MYO9A: variants seen among roughly 807,000 people sequenced by gnomAD.
The protein encoded by MYO9A is unconventional myosin-IXa.
In MYO9A, 103 loss-of-function variants were observed where a neutral mutation model predicts 293.3. The observed-to-expected ratio is 0.35, with a 90% CI of 0.30 to 0.41. MYO9A has a LOEUF of 0.41. MYO9A is among the 10% of genes least tolerant of loss of function. The probability of loss-of-function intolerance (pLI) is 1.00; values close to 1 mark genes in which losing one functional copy is unlikely to be tolerated. For synonymous variants in MYO9A, 1,001 were observed against 1,035.7 expected, an observed-to-expected ratio of 0.97 and a Z score of 0.64; for missense variants, 2,685 against 3,033.0, an observed-to-expected ratio of 0.89 and a Z score of 2.69.
At chr15:71,990,706 G>A (rs946807819) in intron 11 of MYO9A, among the ~76,000 whole-genome samples, 1 of 148,458 alleles carries the variant, frequency 6.7e-6, no homozygotes, top group Non-Finnish European at 1.5e-5. Context: ...GCAGTGAGCC[G>A]AGATTGGGCC....
intron 27 of MYO9A, among the ~76,000 whole-genome samples, chr15:71,885,834 A>T (rs1166649059): frequency 6.6e-6 from 1 of 152,040 alleles, no homozygotes; most frequent in Non-Finnish European, 1.5e-5. Flanking sequence ...GATCTCCTGA[A>T]TGGAGCCTCT....
intron 37 of MYO9A, among the ~76,000 whole-genome samples, chr15:71,850,450 T>C (rs1434751146): frequency 2.6e-5 from 4 of 152,088 alleles, no homozygotes; most frequent in African/African-American, 4.8e-5. Context: ...TAGGCCAAGA[T>C]CACTAGATGA....
intron 8 of MYO9A, among the ~76,000 whole-genome samples, chr15:72,001,552 T>G (rs917345029): frequency 3.3e-4 from 5 of 15,134 alleles, no homozygotes; most frequent in Non-Finnish European, 4.6e-4. Flanking sequence ...AGACTCCATC[T>G]CAAAAAAAAA....
chr15:71,920,494 G>A (rs1353454477), intron 18 of MYO9A, among the ~76,000 whole-genome samples: 1 of 152,096 alleles, frequency 6.6e-6, no homozygotes. Flanking sequence ...ACCATCACTA[G>A]ACATCAACTC....
In MYO9A at chr15:71,852,191, C is replaced by T. The variant is rs879016709; in HGVS notation, c.6416G>A (p.Arg2139Gln). Residue 2139 changes from arginine (R) to glutamine (Q), a missense_variant, in exon 36 of 42, where the codon CGA becomes CAA. Physicochemically the swap from Arg to Gln is conservative, Grantham distance 43 (BLOSUM62 1). Around this residue, in one of 10 missense-constraint regions of MYO9A, gnomAD observed 238 missense variants for 269.1 expected, o/e 0.88. Coordinates refer to ENST00000356056, the MANE Select transcript of MYO9A (RefSeq NM_006901.4). ...GGTCATGAGAGGATTGGGCAAATCT[C>T]GAAGCCATTGTTTGAATACACTTGC... is the stretch of plus-strand genomic sequence containing the variant. ...VIASVFKQWL[R>Q]DLPNPLMTFE... is the part of the protein sequence containing the mutation. The T allele has an allele frequency of 2.5e-6, 4 of 1,613,632 alleles. No individual in the cohort carries two copies. The highest frequency in any genetic ancestry group is 3.4e-6 in the Non-Finnish European group (4 of 1,179,742).
At position 72,051,751 on chromosome 15, in the gene MYO9A, A is replaced by C. The variant is rs549386498; in HGVS notation, c.-71-5117T>G. 2.4e-4 allele frequency among the ~76,000 whole-genome samples: 36 copies of C among 152,210 alleles called. 1 individual carries two copies. The South Asian group carries it at 7.5e-3, about 32-fold the overall frequency. Reference sequence around the variant, plus strand: ...CCCCCTCTAAACTTTGGGTGCCTACAAACACTAGAGGGAGGCTGAGGGGGT... The same window carrying C: ...CCCCCTCTAAACTTTGGGTGCCTACCAACACTAGAGGGAGGCTGAGGGGGT... On this transcript the variant is annotated intron_variant, in intron 1 of 41. Coordinates refer to ENST00000356056, the MANE Select transcript of MYO9A (RefSeq NM_006901.4).
intron 19 of MYO9A, among the ~76,000 whole-genome samples, chr15:71,911,492 C>G (rs1252771808): frequency 6.6e-6 from 1 of 152,162 alleles, no homozygotes; most frequent in African/African-American, 2.4e-5. Flanking sequence ...GTTCACATAA[C>G]AGCGGATATT....
At chr15:71,938,796 A>T (rs748788850) in intron 16 of MYO9A, 56 bp downstream of exon 16, 7 of 1,416,520 alleles carry the variant, frequency 4.9e-6, no homozygotes, top group Non-Finnish European at 6.8e-6. Context: ...AATATCAATA[A>T]GAATGTTAGT....
chr15:71,875,335 ACATGTCAG>A lies in MYO9A; in HGVS notation c.5979+448_5979+455del, dbSNP rs533207400. Among the ~76,000 whole-genome samples the A allele has an allele frequency of 7.2e-5, 11 of 152,232 alleles. No homozygotes were observed. In the South Asian group the frequency reaches 1.9e-3, roughly 26 times the overall value. On this transcript the variant is annotated intron_variant, in intron 32 of 41. Coordinates refer to ENST00000356056, the MANE Select transcript of MYO9A (RefSeq NM_006901.4). Reference sequence around the variant, plus strand: ...AGTCCTCTTCAATAAAGAACCTCATACATGTCAGCATGTCAGCGTGAAAAAGTGTGATT... The same window carrying A: ...AGTCCTCTTCAATAAAGAACCTCATACATGTCAGCGTGAAAAAGTGTGATT...
rs773479642 is a variant in MYO9A, at chr15:71,878,214, G to A, written c.5757C>T (p.Ser1919=). Residue 1919 remains serine (S), a synonymous_variant, in exon 31 of 42, where the codon AGC becomes AGT. Transcript: ENST00000356056. The part of the protein sequence containing the change: ...SSALAMDDGK[S]IRYKDLYALF... ...GTGCATAGAGGTCTTTATACCGTATGCTTTTCCCATCATCCATCTATAAGC... is the reference window on the plus strand; with the variant it reads ...GTGCATAGAGGTCTTTATACCGTATACTTTTCCCATCATCCATCTATAAGC... 1.5e-5 allele frequency: 24 copies of A among 1,549,242 alleles called. No individual in the cohort carries two copies. The Admixed American group carries it at 2.2e-4, about 14-fold the overall frequency.
intron 12 of MYO9A, among the ~76,000 whole-genome samples, chr15:71,975,428 T>TGTGTGTGTG (rs2076116955): frequency 6.8e-6 from 1 of 147,944 alleles, no homozygotes; most frequent in African/African-American, 2.5e-5. Flanking sequence ...TGTGTGTGTG[T>TGTGTGTGTG]AGGTTTTCGT....
At chr15:71,976,143 T>C (rs1347252369) in intron 12 of MYO9A, among the ~76,000 whole-genome samples, 1 of 152,154 alleles carries the variant, frequency 6.6e-6, no homozygotes, top group Non-Finnish European at 1.5e-5. Flanking sequence ...TGGGATCTGA[T>C]ACTACCTCCA....
intron 1 of MYO9A, among the ~76,000 whole-genome samples, chr15:72,098,632 T>TA (rs1055882497): frequency 1.2e-4 from 18 of 151,974 alleles, no homozygotes; most frequent in South Asian, 8.3e-4. Flanking sequence ...ATTCAGAAGA[T>TA]AAAAAAGAAT....
At chr15:72,073,898 T>C (rs1246384600) in intron 1 of MYO9A, among the ~76,000 whole-genome samples, 3 of 152,274 alleles carry the variant, frequency 2.0e-5, no homozygotes, top group East Asian at 3.9e-4. Context: ...TCAAATATTA[T>C]TCATTGGGAT....
chr15:71,973,574 C>A (rs1281892665), intron 12 of MYO9A, among the ~76,000 whole-genome samples: 1 of 152,058 alleles, frequency 6.6e-6, no homozygotes, highest in African/African-American at 2.4e-5. Flanking sequence ...ATAAAAGCCA[C>A]TGTATGATCT....
In MYO9A at chr15:71,962,691, A is replaced by G. The variant is rs1017669331; in HGVS notation, c.1987-2595T>C. ...TTTAGTCATAAGCCATAATTTACTG[A>G]TAAGTAAACAGAAAGGTAAAGCAGC... On this transcript the variant is annotated intron_variant, in intron 13 of 41. Coordinates refer to ENST00000356056, the MANE Select transcript of MYO9A (RefSeq NM_006901.4). 3.9e-5 allele frequency among the ~76,000 whole-genome samples: 6 copies of G among 152,330 alleles called. No homozygotes were observed. In the South Asian group the frequency reaches 6.2e-4, roughly 16 times the overall value.
chr15:71,968,670 A>G (rs1413196476), intron 12 of MYO9A, among the ~76,000 whole-genome samples: 1 of 152,194 alleles, frequency 6.6e-6, no homozygotes, highest in Admixed American at 6.5e-5. Flanking sequence ...AATAATATCT[A>G]TTATTTAATC....
At position 71,975,390 on chromosome 15, in the gene MYO9A, CGTGTGT is replaced by C. The variant is rs57800508; in HGVS notation, c.1844+2775_1844+2780del. On this transcript the variant is annotated intron_variant, in intron 12 of 41. Coordinates refer to ENST00000356056, the MANE Select transcript of MYO9A (RefSeq NM_006901.4). ...CCTTTGGCCTATGACGTGATTTTAT[CGTGTGT>C]GTGTGTGTGTGTGTGTGTGTGTGTG... Among the ~76,000 whole-genome samples, 109 of 86,684 alleles carry C rather than the reference CGTGTGT, an allele frequency of 1.3e-3. 3 individuals carry two copies. The highest frequency in any genetic ancestry group is 3.9e-3 in the African/African-American group (74 of 19,068). The allele number at this position is 86,684 out of a possible 152,430, so 56.9% of individuals were successfully genotyped here. A position where few individuals can be genotyped will look rare whatever the true frequency, so the allele number is the denominator to read the frequency against.
At chr15:71,878,376 G>A (rs1233978122) in intron 30 of MYO9A, 145 bp from the exon 31 acceptor site, 1 of 510,174 alleles carries the variant, frequency 2.0e-6, no homozygotes, top group African/African-American at 2.0e-5. Context: ...ATGAGGTCAT[G>A]TGGTATTTGT....
Sources: allele counts gnomAD v4.1 joint callset (sites outside exome capture counted in the v4.1 genomes callset), GRCh38; gene constraint gnomAD v4.1.1; regional missense constraint gnomAD v4.1.1; transcripts MANE v1.5; gene names NCBI Gene and HGNC (gene_info 2026-07-23, HGNC 2026-07-21).